Variants in CREB5 observed in about 807,000 individuals in gnomAD.
CREB5 encodes the protein cAMP responsive element binding protein 5.
CREB5 carries 19 observed loss-of-function variants against 57.1 expected under a neutral mutation model. The ratio of observed to expected loss-of-function variants is 0.33; its 90% CI spans 0.23 to 0.49. The LOEUF is 0.49. Ranked by LOEUF, CREB5 falls within the 20% of genes least tolerant of loss-of-function variation. CREB5 has a pLI of 0.99. For synonymous variants in CREB5, 238 were observed against 238.3 expected (o/e 1.00, Z 0.01); for missense variants, 579 against 671.6 (o/e 0.86, Z 1.52).
chr7:28,579,237 A>T (rs763900857), intron 5 of CREB5, among the ~76,000 whole-genome samples: 22 of 152,228 alleles, frequency 1.4e-4, no homozygotes, highest in Non-Finnish European at 2.6e-4. Context: ...TTTCCTTATC[A>T]TGGCTCACAC....
At position 28,819,445 on chromosome 7, in the gene CREB5, T is replaced by A; in HGVS notation, c.*166T>A. The A allele has an allele frequency of 1.5e-6, 1 of 669,194 alleles. No individual in the cohort carries two copies. The highest frequency in any genetic ancestry group is 2.3e-6 in the Non-Finnish European group (1 of 425,892). The allele number at this position is 669,194 out of a possible 1,614,324, so 41.5% of individuals were successfully genotyped here. A position where few individuals can be genotyped will look rare whatever the true frequency, so the allele number is the denominator to read the frequency against. ...GGAAATGTTGTCTTTTATACTTAGTTATATAAGAAAAAAGGGAGTTATGCA... is the reference window on the plus strand; with the variant it reads ...GGAAATGTTGTCTTTTATACTTAGTAATATAAGAAAAAAGGGAGTTATGCA... On this transcript the variant is annotated 3_prime_UTR_variant, in exon 11 of 11. Coordinates refer to ENST00000357727, the MANE Select transcript of CREB5 (RefSeq NM_182898.4).
intron 1 of CREB5, among the ~76,000 whole-genome samples, chr7:28,445,695 G>A (rs1244197404): frequency 6.6e-6 from 1 of 152,042 alleles, no homozygotes; most frequent in African/African-American, 2.4e-5. Flanking sequence ...GGGACTACAG[G>A]CGCCCGCCAC....
intron 5 of CREB5, among the ~76,000 whole-genome samples, chr7:28,692,737 A>G (rs1391603908): frequency 1.3e-5 from 2 of 152,180 alleles, no homozygotes; most frequent in Non-Finnish European, 2.9e-5. Flanking sequence ...CCACTGCACA[A>G]CAGCTTGGGT....
intron 4 of CREB5, among the ~76,000 whole-genome samples, chr7:28,519,991 GTC>G (rs533676023): frequency 1.3e-5 from 2 of 152,218 alleles, no homozygotes; most frequent in Non-Finnish European, 2.9e-5. Context: ...GGACATGTGT[GTC>G]TCTGATTTTT....
At chr7:28,443,186 C>T (rs1471829988) in intron 1 of CREB5, among the ~76,000 whole-genome samples, 2 of 152,204 alleles carry the variant, frequency 1.3e-5, no homozygotes, top group Non-Finnish European at 2.9e-5. Context: ...CAGCAAGCAG[C>T]ATCAGCCTCA....
chr7:28,801,405 C>T (rs1415929605), intron 7 of CREB5, among the ~76,000 whole-genome samples: 2 of 152,076 alleles, frequency 1.3e-5, no homozygotes, highest in African/African-American at 2.4e-5. Flanking sequence ...TTCAACATAA[C>T]CTCTTTTCAT....
At chr7:28,486,670 T>TTATA (rs139222705) in intron 1 of CREB5, among the ~76,000 whole-genome samples, 6,145 of 89,058 alleles carry the variant, frequency 0.069, 920 homozygotes, top group Middle Eastern at 0.11. Context: ...TCCTATGATT[T>TTATA]TATATATATA....
At chr7:28,675,576 T>C (rs561781427) in intron 5 of CREB5, among the ~76,000 whole-genome samples, 7 of 152,256 alleles carry the variant, frequency 4.6e-5, no homozygotes, top group African/African-American at 1.7e-4. Context: ...AACAAAAGGA[T>C]CTCAATTGTG....
intron 1 of CREB5, among the ~76,000 whole-genome samples, chr7:28,429,376 A>G (rs1788628250): frequency 6.6e-6 from 1 of 152,216 alleles, no homozygotes; most frequent in Admixed American, 6.5e-5. Context: ...CTGAAATGTC[A>G]GGGATAAAGC....
At chr7:28,518,870 C>T (rs928353385) in intron 4 of CREB5, among the ~76,000 whole-genome samples, 2 of 152,168 alleles carry the variant, frequency 1.3e-5, no homozygotes, top group East Asian at 1.9e-4. Flanking sequence ...TCCATTCCAT[C>T]GCTCTCTAAA....
chr7:28,405,972 A>T (rs1484867848), intron 1 of CREB5, among the ~76,000 whole-genome samples: 1 of 152,160 alleles, frequency 6.6e-6, no homozygotes, highest in Non-Finnish European at 1.5e-5. Flanking sequence ...GACTCAAGAA[A>T]CTGACTTTAA....
At chr7:28,381,973 T>C (rs1456090264) in intron 1 of CREB5, among the ~76,000 whole-genome samples, 3 of 152,192 alleles carry the variant, frequency 2.0e-5, no homozygotes, top group African/African-American at 4.8e-5. Flanking sequence ...GAATGTGTGA[T>C]GGAGAACCAG....
rs1325970941 is a variant in CREB5 at position 28,809,283 on chromosome 7, G to A, written c.1123G>A (p.Asp375Asn). Reference protein sequence around the residue: ...RRRRVVDEDPDERRRKFLERN... With the variant: ...RRRRVVDEDPNERRRKFLERN... Reference sequence around the variant, plus strand: ...GCGAAGGGTGGTAGACGAGGATCCGGACGAGAGGCGGCGGAAATTTCTGGA... The same window carrying A: ...GCGAAGGGTGGTAGACGAGGATCCGAACGAGAGGCGGCGGAAATTTCTGGA... Residue 375 changes from aspartate to asparagine, a missense_variant, in exon 9 of 11, where the codon GAC becomes AAC. This residue lies in a region of CREB5 where 459 missense variants were observed against 515.7 expected (regional missense o/e 0.89). Transcript: ENST00000357727. 1.9e-6 allele frequency: 3 copies of A among 1,614,192 alleles called. No homozygotes were observed. The Admixed American group carries it at 5.0e-5, about 27-fold the overall frequency.
intron 1 of CREB5, among the ~76,000 whole-genome samples, chr7:28,381,439 G>A (rs1786965748): frequency 6.6e-6 from 1 of 152,188 alleles, no homozygotes; most frequent in Non-Finnish European, 1.5e-5. Flanking sequence ...GGGAAATGGA[G>A]TATTCTTCCC....
At chr7:28,382,763 C>T (rs1039152022) in intron 1 of CREB5, among the ~76,000 whole-genome samples, 2 of 151,834 alleles carry the variant, frequency 1.3e-5, no homozygotes, top group South Asian at 2.1e-4. Context: ...CCCCATCAAA[C>T]CACATACTTG....
At chr7:28,623,066 A>T (rs915369992) in intron 5 of CREB5, among the ~76,000 whole-genome samples, 2 of 152,054 alleles carry the variant, frequency 1.3e-5, no homozygotes. Context: ...TAGTTTTAGT[A>T]GAGACAGGGT....
chr7:28,655,308 G>A (rs1799293757), intron 5 of CREB5, among the ~76,000 whole-genome samples: 1 of 152,130 alleles, frequency 6.6e-6, no homozygotes, highest in Non-Finnish European at 1.5e-5. Flanking sequence ...ACACTAAAAA[G>A]CATTTGAACA....
At chr7:28,620,484 G>A (rs751272158) in intron 5 of CREB5, among the ~76,000 whole-genome samples, 20 of 152,104 alleles carry the variant, frequency 1.3e-4, no homozygotes, top group Non-Finnish European at 4.4e-5. Context: ...AGATCTTCAC[G>A]CTCTGGTGCC....
intron 1 of CREB5, among the ~76,000 whole-genome samples, chr7:28,413,299 C>T (rs1362002002): frequency 1.3e-5 from 2 of 151,624 alleles, no homozygotes; most frequent in South Asian, 2.1e-4. Context: ...GAAAAAGAAA[C>T]CTAAAAATTA....
Sources: gnomAD v4.1 joint callset for allele counts (sites outside exome capture counted in the v4.1 genomes callset) on GRCh38, gnomAD v4.1.1 for gene constraint, gnomAD v4.1.1 regional missense constraint, MANE v1.5 for transcripts, NCBI Gene and HGNC (gene_info 2026-07-23, HGNC 2026-07-21) for gene names.